PRKCZ: variants seen among roughly 807,000 people sequenced by gnomAD.
The protein encoded by PRKCZ is protein kinase C zeta.
Under a neutral mutation model 79.5 loss-of-function variants are expected in PRKCZ, and 33 were observed. That is an observed-to-expected ratio of 0.41 (90% CI 0.31 to 0.55). The LOEUF is 0.55. PRKCZ is among the 20% of genes least tolerant of loss of function. The probability of loss-of-function intolerance (pLI) is 0.19; values close to 1 mark genes in which losing one functional copy is unlikely to be tolerated. For missense variants in PRKCZ, 578 were observed against 813.5 expected (o/e 0.71, Z 3.52); for synonymous variants, 342 against 320.9 (o/e 1.07, Z -0.70).
At chr1:2,182,862 AGAGT>A (rs989097289) in intron 16 of PRKCZ, 3 of 153,260 alleles carry the variant, frequency 2.0e-5, no homozygotes, top group Non-Finnish European at 2.9e-5. Flanking sequence ...AGTGGGTTAG[AGAGT>A]GAGTGAGCCA....
intron 4 of PRKCZ, among the ~76,000 whole-genome samples, chr1:2,129,811 G>A (rs1674614746): frequency 6.6e-6 from 1 of 152,186 alleles, no homozygotes; most frequent in Non-Finnish European, 1.5e-5. Flanking sequence ...GCCACAGGGA[G>A]GCTTCTGGTT....
rs1463409750 is a variant in PRKCZ, at chr1:2,174,735, C to G, written c.1406-19C>G. 2 of 1,611,880 alleles carry G rather than the reference C, an allele frequency of 1.2e-6. No individual in the cohort carries two copies. Among genetic ancestry groups the G allele is most frequent in the African/African-American group, 2.7e-5 (2 of 74,932 alleles). ...GGCACACAACACAGGCAAGTCCTCA[C>G]CAGGCTCCGCCCTTGCAGTGATCCT... On this transcript the variant is annotated intron_variant, in intron 14 of 17. Transcript: ENST00000378567. This position sits in a 1 kb window ranked among gnomAD's most constrained non-coding sequence, Gnocchi z 6.2.
rs886242471 is a variant in PRKCZ, at chr1:2,178,934, G to A, written c.1575+3621G>A. ...ACAGGGTCACAGTCACCCCAAAGCC[G>A]CCCCCTCCTTGCCTATCCCCAGCTG... On this transcript the variant is annotated intron_variant, in intron 16 of 17. Coordinates refer to ENST00000378567, the MANE Select transcript of PRKCZ (RefSeq NM_002744.6). The surrounding 1 kb of genome is among the most constrained non-coding windows in gnomAD (Gnocchi z 4.3). Among the ~76,000 whole-genome samples, 9 of 152,152 alleles carry A rather than the reference G, an allele frequency of 5.9e-5. No individual in the cohort carries two copies. Among genetic ancestry groups the A allele is most frequent in the Non-Finnish European group, 1.0e-4 (7 of 68,024 alleles).
Position 2,128,266 on chromosome 1 carries a change from G to A in PRKCZ, c.335-6996G>A, listed in dbSNP as rs1016030209. On this transcript the variant is annotated intron_variant, in intron 4 of 17. Transcript: ENST00000378567. The surrounding 1 kb of genome is among the most constrained non-coding windows in gnomAD (Gnocchi z 6.5). ...GCACCCATCCGGGCCCCGCAGGGCC[G>A]TCCTGTGGCACTGCTTTGGGCTGTG... Among the ~76,000 whole-genome samples, 10 of 152,312 alleles carry A rather than the reference G, an allele frequency of 6.6e-5. No individual in the cohort carries two copies. The highest frequency in any genetic ancestry group is 2.4e-4 in the African/African-American group (10 of 41,572).
At chr1:2,167,638 C>G (rs1306967619) in intron 10 of PRKCZ, among the ~76,000 whole-genome samples, 1 of 152,170 alleles carries the variant, frequency 6.6e-6, no homozygotes, top group Non-Finnish European at 1.5e-5. Context: ...GAGTCTTGCT[C>G]TGTCGCCCAG....
In PRKCZ at chr1:2,125,665, C is replaced by A. The variant is rs944310950; in HGVS notation, c.335-9597C>A. 6.6e-6 allele frequency among the ~76,000 whole-genome samples: 1 copy of A among 152,218 alleles called. No homozygotes were observed. The highest frequency in any genetic ancestry group is 2.4e-5 in the African/African-American group (1 of 41,454). ...GAGACCCTGTGGTGCCTCCCGCTTT[C>A]CATCCGCATTCCATGGCAGGTGAGT... On this transcript the variant is annotated intron_variant, in intron 4 of 17. Coordinates refer to ENST00000378567, the MANE Select transcript of PRKCZ (RefSeq NM_002744.6). This position sits in a 1 kb window ranked among gnomAD's most constrained non-coding sequence, Gnocchi z 4.2.
chr1:2,169,500 G>A lies in PRKCZ; in HGVS notation c.975-18G>A, dbSNP rs1684001003. The A allele has an allele frequency of 6.5e-7, 1 of 1,548,334 alleles. No individual in the cohort carries two copies. Among genetic ancestry groups the A allele is most frequent in the South Asian group, 1.2e-5 (1 of 84,012 alleles). Reference sequence around the variant, plus strand: ...TCTGCCGAGGTGACTGCAGCCTCCGGCGCCTCTCTCCCTGCAGGTTGTTCC... The same window carrying A: ...TCTGCCGAGGTGACTGCAGCCTCCGACGCCTCTCTCCCTGCAGGTTGTTCC... On this transcript the variant is annotated intron_variant, in intron 10 of 17. Coordinates refer to ENST00000378567, the MANE Select transcript of PRKCZ (RefSeq NM_002744.6).
chr1:2,160,155 C>T (rs564622678), intron 10 of PRKCZ, among the ~76,000 whole-genome samples: 3 of 152,246 alleles, frequency 2.0e-5, no homozygotes, highest in African/African-American at 4.8e-5. Flanking sequence ...CTTCTCAGGC[C>T]GTGCACTGAC....
At chr1:2,122,232 G>A (rs1185223272) in intron 4 of PRKCZ, among the ~76,000 whole-genome samples, 1 of 7,682 alleles carries the variant, frequency 1.3e-4, no homozygotes, top group Non-Finnish European at 2.0e-4. Context: ...GGTTAGGGTC[G>A]TGGCGGTGGT....
chr1:2,158,188 G>GT (rs1246955267), intron 10 of PRKCZ, among the ~76,000 whole-genome samples: 3 of 152,220 alleles, frequency 2.0e-5, no homozygotes, highest in African/African-American at 7.2e-5. Context: ...TCCTAAGTGT[G>GT]TTTCAGGGTC....
Position 2,106,753 on chromosome 1 carries a change from CCCTCTGGTGGGCGAGGA to C in PRKCZ, c.335-28504_335-28488del, listed in dbSNP as rs1212394406. ...CCAGGCCAGGTAACTCTCAGCAAGC[CCCTCTGGTGGGCGAGGA>C]CCTCCACACGTGTCACCAGGCCAGG... On this transcript the variant is annotated intron_variant, in intron 4 of 17. Transcript: ENST00000378567. Among the ~76,000 whole-genome samples the C allele has an allele frequency of 3.2e-4, 38 of 118,726 alleles. 4 individuals are homozygous for C. Among genetic ancestry groups the C allele is most frequent in the African/African-American group, 1.5e-3 (35 of 23,202 alleles). 77.9% of individuals were successfully genotyped at this position (118,726 alleles called of 152,430 possible). A position where few individuals can be genotyped will look rare whatever the true frequency, so the allele number is the denominator to read the frequency against.
intron 4 of PRKCZ, among the ~76,000 whole-genome samples, chr1:2,129,539 C>T (rs1674564764): frequency 1.3e-5 from 2 of 152,122 alleles, no homozygotes; most frequent in Admixed American, 1.3e-4. Context: ...GGGTGAAAAC[C>T]AAGGAAAGGT....
chr1:2,169,890 G>A (rs1408963392), intron 11 of PRKCZ, among the ~76,000 whole-genome samples: 1 of 151,934 alleles, frequency 6.6e-6, no homozygotes, highest in Non-Finnish European at 1.5e-5. Context: ...GGATGGCAGA[G>A]GGCATCATGT....
chr1:2,092,226 G>A (rs377340279), intron 4 of PRKCZ, among the ~76,000 whole-genome samples: 32 of 150,978 alleles, frequency 2.1e-4, no homozygotes, highest in African/African-American at 6.8e-4. Flanking sequence ...GTTTTCCTAC[G>A]GGAGGCGAAT....
At position 2,177,003 on chromosome 1, in the gene PRKCZ, T is replaced by A. The variant is rs1048198875; in HGVS notation, c.1575+1690T>A. Among the ~76,000 whole-genome samples, 2 of 152,224 alleles carry A rather than the reference T, an allele frequency of 1.3e-5. No individual in the cohort carries two copies. The highest frequency in any genetic ancestry group is 2.9e-5 in the Non-Finnish European group (2 of 68,032). On this transcript the variant is annotated intron_variant, in intron 16 of 17. Coordinates refer to ENST00000378567, the MANE Select transcript of PRKCZ (RefSeq NM_002744.6). The surrounding 1 kb of genome is among the most constrained non-coding windows in gnomAD (Gnocchi z 6.4). ...ACCTTCGCAAATTCTTCATTTAAAT[T>A]TATGCCTCTGGTAGCATAAGGGAGA...
At position 2,155,994 on chromosome 1, in the gene PRKCZ, G is replaced by A; in HGVS notation, c.877-1G>A. 3 of 1,613,516 alleles carry A rather than the reference G, an allele frequency of 1.9e-6. No homozygotes were observed. Among genetic ancestry groups the A allele is most frequent in the Non-Finnish European group, 2.5e-6 (3 of 1,179,514 alleles). ...TTACCACTCCCTGGTTTCTATTTCA[G>A]GATATTGACTGGGTACAGACAGAGA... On this transcript the variant is annotated splice_acceptor_variant, in intron 9 of 17. Coordinates refer to ENST00000378567, the MANE Select transcript of PRKCZ (RefSeq NM_002744.6). LOFTEE classifies it high-confidence loss of function.
rs186331273 is a variant in PRKCZ at position 2,085,128 on chromosome 1, G to T, written c.334+25537G>T. Among the ~76,000 whole-genome samples the T allele has an allele frequency of 3.3e-4, 50 of 152,270 alleles. No individual in the cohort carries two copies. In the East Asian group the frequency reaches 9.3e-3, roughly 28 times the overall value. ...CCCTGTGGCTCTGCGGGTAGGGGGC[G>T]ATTCCTCTGTCAGCTGGGTGAGGAG... On this transcript the variant is annotated intron_variant, in intron 4 of 17. Transcript: ENST00000378567.
chr1:2,064,045 C>T (rs545478336), intron 4 of PRKCZ, among the ~76,000 whole-genome samples: 8 of 152,078 alleles, frequency 5.3e-5, no homozygotes, highest in Non-Finnish European at 4.4e-5. Context: ...GGGGGTTTCA[C>T]CATCTTGGCC....
intron 10 of PRKCZ, among the ~76,000 whole-genome samples, chr1:2,163,367 C>T (rs747443396): frequency 1.4e-4 from 22 of 152,158 alleles, no homozygotes; most frequent in Non-Finnish European, 2.8e-4. Context: ...CTGTTGGAGA[C>T]GGGAACGGAC....
Sources: allele counts gnomAD v4.1 joint callset (sites outside exome capture counted in the v4.1 genomes callset), GRCh38; gene constraint gnomAD v4.1.1; non-coding constraint Gnocchi (gnomAD v3.1); transcripts MANE v1.5; gene names NCBI Gene and HGNC (gene_info 2026-07-23, HGNC 2026-07-21).